Variants in EPS8L1 observed in about 807,000 individuals in gnomAD.
The protein encoded by EPS8L1 is EPS8 signaling adaptor L1, also known as epidermal growth factor receptor kinase substrate 8-like protein 1.
In EPS8L1, 101 loss-of-function variants were observed where a neutral mutation model predicts 91.7. The ratio of observed to expected loss-of-function variants is 1.10; its 90% CI spans 0.94 to 1.30. The LOEUF is 1.30. Among genes scored for constraint, EPS8L1 ranks in the 50% most tolerant of loss-of-function variants. EPS8L1 has a pLI of 0.00. For synonymous variants in EPS8L1, 506 were observed against 445.3 expected, an observed-to-expected ratio of 1.14 and a Z score of -1.72; for missense variants, 1,114 against 1,017.0, an observed-to-expected ratio of 1.10 and a Z score of -1.30.
At chr19:55,086,636 C>CCCCCCCCCCCCCCCCCCCAGGCCCCCCGA in intron 17 of EPS8L1, 78 bp from the exon 18 acceptor site, 2 of 956,964 alleles carry the variant, frequency 2.1e-6, no homozygotes, top group Non-Finnish European at 2.9e-6. Context: ...CGCTGGAGCG[C>CCCCCCCCCCCCCCCCCCCAGGCCCCCCGA]CCCCCCGCCC....
chr19:55,087,121 C>A, intron 18 of EPS8L1, 182 bp from the exon 19 acceptor site: 1 of 1,110,834 alleles, frequency 9.0e-7, no homozygotes, highest in Non-Finnish European at 1.2e-6. Flanking sequence ...AAGCAGGATG[C>A]GGCCACGCCC....
At position 55,079,760 on chromosome 19, in the gene EPS8L1, C is replaced by A; in HGVS notation, c.188C>A (p.Ala63Asp). The change falls in exon 5 of 20, where the codon GCC becomes GAC. Residue 63 changes from alanine to aspartate, a missense_variant. Ala to Asp is a moderately radical substitution (Grantham distance 126). Transcript: ENST00000201647. ...GTGGAGGATGCCTCCAGGAAGTTGG[C>A]CGTCATGGATAGCCAGGGCCGAGTC... is the stretch of plus-strand genomic sequence containing the variant. ...HTVEDASRKLAVMDSQGRVWA... is the reference protein window; with the variant it reads ...HTVEDASRKLDVMDSQGRVWA... 6.2e-7 allele frequency: 1 copy of A among 1,614,118 alleles called. No homozygotes were observed. The highest frequency in any genetic ancestry group is 8.5e-7 in the Non-Finnish European group (1 of 1,179,998).
In EPS8L1 at chr19:55,086,077, G is replaced by T. The variant is rs370885910; in HGVS notation, c.1535G>T (p.Arg512Leu). 3.1e-6 allele frequency: 5 copies of T among 1,597,400 alleles called. No homozygotes were observed. The highest frequency in any genetic ancestry group is 1.7e-4 in the Middle Eastern group (1 of 5,976). Residue 512 changes from arginine (R) to leucine (L), a missense_variant, in exon 16 of 20, where the codon CGT (arginine) becomes CTT (leucine). By Grantham distance (102) the Arg-to-Leu change is moderately radical (BLOSUM62 -2). Transcript: ENST00000201647. ...CACACCCAGGTCCTGGATGACAGTCGTAAGTGGTGGAAGGTTCGGGACCCA... is the reference window on the plus strand; with the variant it reads ...CACACCCAGGTCCTGGATGACAGTCTTAAGTGGTGGAAGGTTCGGGACCCA... Reference protein sequence around the residue: ...RDVLEVLDDSRKWWKVRDPAG... With the variant: ...RDVLEVLDDSLKWWKVRDPAG...
intron 14 of EPS8L1, chr19:55,084,298 A>G (rs2076334966): frequency 6.4e-6 from 1 of 156,350 alleles, no homozygotes; most frequent in Non-Finnish European, 1.4e-5. Context: ...TTTGAGGGTT[A>G]AAAGGATAAG....
chr19:55,086,636 C>CCCCCCCCCCCCCCCCCCCCTGG, intron 17 of EPS8L1, 78 bp from the exon 18 acceptor site: 4 of 956,960 alleles, frequency 4.2e-6, no homozygotes, highest in Non-Finnish European at 5.7e-6. Context: ...CGCTGGAGCG[C>CCCCCCCCCCCCCCCCCCCCTGG]CCCCCCGCCC....
In EPS8L1 at chr19:55,086,419, C is replaced by A; in HGVS notation, c.1678C>A (p.Pro560Thr). Reference sequence around the variant, plus strand: ...CAGCACTCCTCCTCCACCACCAGCCCCAGCCCCGGCCCCACCTCCAGCTCT... The same window carrying A: ...CAGCACTCCTCCTCCACCACCAGCCACAGCCCCGGCCCCACCTCCAGCTCT... ...LNSTPPPPPA[P>T]APAPPPALAR... Residue 560 changes from proline (P) to threonine (T), a missense_variant, in exon 17 of 20, where the codon CCA (proline) becomes ACA (threonine). Pro to Thr is a conservative substitution (Grantham distance 38, BLOSUM62 -1). Transcript: ENST00000201647. The A allele has an allele frequency of 1.3e-6, 2 of 1,560,632 alleles. No individual in the cohort carries two copies. Among genetic ancestry groups the A allele is most frequent in the East Asian group, 2.4e-5 (1 of 42,120 alleles).
chr19:55,076,784 T>C (rs1423075427), intron 2 of EPS8L1, among the ~76,000 whole-genome samples: 2 of 152,212 alleles, frequency 1.3e-5, no homozygotes, highest in Non-Finnish European at 2.9e-5. Flanking sequence ...ATTGGAGGGA[T>C]AGTGCATTAC....
Position 55,086,778 on chromosome 19 carries a change from G to A in EPS8L1, c.1842G>A (p.Ser614=), listed in dbSNP as rs369469374. The change falls in exon 18 of 20, where the codon TCG becomes TCA. Residue 614 remains serine (S), a synonymous_variant. Coordinates refer to ENST00000201647, the MANE Select transcript of EPS8L1 (RefSeq NM_133180.3). The part of the protein sequence containing the change: ...ELQARLAQGR[S]GPSRAVPGPR... ...AGGCGCGCCTGGCCCAGGGCCGCTC[G>A]GGACCGAGCCGCGCAGTCCCAGGGC... 1.6e-4 allele frequency: 250 copies of A among 1,609,062 alleles called. No homozygotes were observed. The highest frequency in any genetic ancestry group is 2.0e-4 in the Non-Finnish European group (235 of 1,178,462).
Position 55,086,873 on chromosome 19 carries a change from A to G in EPS8L1, c.1937A>G (p.Lys646Arg), listed in dbSNP as rs950641602. ...GAGGTCCGCGCCTGGCTGCAGGCCA[A>G]GGGCTTTAGCTCCGGGTGAGTGGGG... The part of the protein sequence containing the change: ...ASEVRAWLQA[K>R]GFSSGTVDAL... The change falls in exon 18 of 20, where the codon AAG (lysine) becomes AGG (arginine). Residue 646 changes from lysine to arginine, a missense_variant. Transcript: ENST00000201647. 3.4e-6 allele frequency: 5 copies of G among 1,457,860 alleles called. No homozygotes were observed. The highest frequency in any genetic ancestry group is 5.9e-5 in the Admixed American group (2 of 33,784). The allele number at this position is 1,457,860 out of a possible 1,614,324, so 90.3% of individuals were successfully genotyped here. A position where few individuals can be genotyped will look rare whatever the true frequency, so the allele number is the denominator to read the frequency against.
chr19:55,078,122 A>G lies in EPS8L1; in HGVS notation c.52A>G (p.Ile18Val). Reference protein sequence around the residue: ...EAAPKPSAKSIYEQRKRYSTV... With the variant: ...EAAPKPSAKSVYEQRKRYSTV... ...TGCCCCAAAGCCAAGCGCCAAGTCT[A>G]TCTATGGTGAGCGGGGGGCAAGGGA... The change falls in exon 3 of 20, where the codon ATC becomes GTC. Residue 18 changes from isoleucine to valine, a missense_variant. Coordinates refer to ENST00000201647, the MANE Select transcript of EPS8L1 (RefSeq NM_133180.3). 6.2e-7 allele frequency: 1 copy of G among 1,613,510 alleles called. No homozygotes were observed. Among genetic ancestry groups the G allele is most frequent in the Non-Finnish European group, 8.5e-7 (1 of 1,179,786 alleles).
intron 14 of EPS8L1, chr19:55,084,199 G>C (rs924170477): frequency 8.1e-5 from 15 of 185,826 alleles, no homozygotes; most frequent in Non-Finnish European, 1.1e-4. Context: ...CCCGAGAGGG[G>C]TAAAGGCTGG....
rs532104332 is a variant in EPS8L1 at position 55,077,734 on chromosome 19, G to A, written c.18-354G>A. On this transcript the variant is annotated intron_variant, in intron 2 of 19. Coordinates refer to ENST00000201647, the MANE Select transcript of EPS8L1 (RefSeq NM_133180.3). ...CTCCCACGTAGCTGGCACTACAGGC[G>A]CCCACCACCACACCCAGCTAATTTT... Among the ~76,000 whole-genome samples, 7 of 150,698 alleles carry A rather than the reference G, an allele frequency of 4.6e-5. No homozygotes were observed. In the East Asian group the frequency reaches 5.9e-4, roughly 13 times the overall value.
chr19:55,082,952 T>A (rs2076302581), intron 12 of EPS8L1, among the ~76,000 whole-genome samples: 1 of 152,122 alleles, frequency 6.6e-6, no homozygotes, highest in African/African-American at 2.4e-5. Flanking sequence ...GGACAGAGTC[T>A]GTGCACTGCG....
At position 55,082,605 on chromosome 19, in the gene EPS8L1, G is replaced by A; in HGVS notation, c.1214+3G>A. On this transcript the variant is annotated splice_donor_region_variant and intron_variant, in intron 12 of 19. Transcript: ENST00000201647. ...GGGGACTCGTGGACCCGCCCCGGGTGAGGGGCGGGGCTGGGAGGCAGGGGG... is the reference window on the plus strand; with the variant it reads ...GGGGACTCGTGGACCCGCCCCGGGTAAGGGGCGGGGCTGGGAGGCAGGGGG... 1 of 1,557,492 alleles carries A rather than the reference G, an allele frequency of 6.4e-7. No homozygotes were observed. The highest frequency in any genetic ancestry group is 8.7e-7 in the Non-Finnish European group (1 of 1,151,346).
chr19:55,086,544 G>A, intron 17 of EPS8L1, 26 bp downstream of exon 17: 2 of 1,549,964 alleles, frequency 1.3e-6, no homozygotes, highest in Non-Finnish European at 1.7e-6. Context: ...GCCGGCTGCG[G>A]GGAGCGGTCC....
In EPS8L1 at chr19:55,086,123, G is replaced by GA; in HGVS notation, c.1581_1582insA (p.Pro528ThrfsTer56). 1 of 1,607,528 alleles carries GA rather than the reference G, an allele frequency of 6.2e-7. No individual in the cohort carries two copies. The highest frequency in any genetic ancestry group is 8.5e-7 in the Non-Finnish European group (1 of 1,176,234). ...ACCCAGCGGGGCAGGAGGGATATGTGCCCTACAACATCCTGACACCCTACC... is the reference window on the plus strand; with the variant it reads ...ACCCAGCGGGGCAGGAGGGATATGTGACCCTACAACATCCTGACACCCTACC... On this transcript the variant is annotated frameshift_variant, in exon 16 of 20. Transcript: ENST00000201647. LOFTEE classifies it high-confidence loss of function.
chr19:55,086,332 G>A, intron 16 of EPS8L1, 60 bp from the exon 17 acceptor site: 1 of 1,604,736 alleles, frequency 6.2e-7, no homozygotes, highest in Non-Finnish European at 8.5e-7. Flanking sequence ...CCAGAAAGGG[G>A]AGAGGCTGGG....
chr19:55,081,396 TGAGCCGGTGGGGACCTC>T lies in EPS8L1; in HGVS notation c.683_699del (p.Pro228GlnfsTer3). 2 of 1,588,212 alleles carry T rather than the reference TGAGCCGGTGGGGACCTC, an allele frequency of 1.3e-6. No individual in the cohort carries two copies. The highest frequency in any genetic ancestry group is 2.7e-5 in the African/African-American group (2 of 74,582). On this transcript the variant is annotated frameshift_variant, in exon 8 of 20. Coordinates refer to ENST00000201647, the MANE Select transcript of EPS8L1 (RefSeq NM_133180.3). LOFTEE classifies it high-confidence loss of function. This position sits in a 1 kb window ranked among gnomAD's most constrained non-coding sequence, Gnocchi z 4.9. ...CCGAGGCAGAGGAGGCGCAGAGGCCTGAGCCGGTGGGGACCTCGAGCAACGCTGACTCGGCCTCCCCG... is the reference window on the plus strand; with the variant it reads ...CCGAGGCAGAGGAGGCGCAGAGGCCTGAGCAACGCTGACTCGGCCTCCCCG...
chr19:55,081,300 G>T lies in EPS8L1; in HGVS notation c.582G>T (p.Pro194=). The change falls in exon 8 of 20, where the codon CCG becomes CCT. Residue 194 remains proline, a synonymous_variant. Transcript: ENST00000201647. The surrounding 1 kb of genome is among the most constrained non-coding windows in gnomAD (Gnocchi z 4.9). ...AAETPPLQRR[P]SVRAVISTVE... Reference sequence around the variant, plus strand: ...AGACCCCGCCCCTGCAGCGCCGCCCGTCAGTCCGCGCAGTGATCAGCACCG... The same window carrying T: ...AGACCCCGCCCCTGCAGCGCCGCCCTTCAGTCCGCGCAGTGATCAGCACCG... 1.3e-6 allele frequency: 2 copies of T among 1,548,788 alleles called. No homozygotes were observed. Among genetic ancestry groups the T allele is most frequent in the Admixed American group, 2.0e-5 (1 of 50,688 alleles).
Sources: gnomAD v4.1 joint callset for allele counts (sites outside exome capture counted in the v4.1 genomes callset) on GRCh38, gnomAD v4.1.1 for gene constraint, Gnocchi (gnomAD v3.1) non-coding constraint, MANE v1.5 for transcripts, NCBI Gene and HGNC (gene_info 2026-07-23, HGNC 2026-07-21) for gene names.